The following UNC5D variants were observed in gnomAD, a reference collection of about 807,000 sequenced individuals.
UNC5D encodes unc-5 netrin receptor D, also known as netrin receptor UNC5D.
UNC5D carries 39 observed loss-of-function variants against 105.4 expected under a neutral mutation model. That is an observed-to-expected ratio of 0.37 (90% confidence interval 0.29 to 0.48). The LOEUF (loss-of-function observed/expected upper bound fraction) is 0.48, where lower values mean the gene tolerates loss of function less well. Among genes scored for constraint, UNC5D ranks in the 20% least tolerant of loss-of-function variants. The probability of loss-of-function intolerance (pLI) is 0.98; values close to 1 mark genes in which losing one functional copy is unlikely to be tolerated. For missense variants in UNC5D, 991 were observed against 1,202.4 expected, an observed-to-expected ratio of 0.82 and a Z score of 2.60; for synonymous variants, 452 against 450.4, an observed-to-expected ratio of 1.00 and a Z score of -0.04.
rs1428410337 is a variant in UNC5D, at chr8:35,683,528, C to T, written c.571-19C>T. 2 of 1,553,952 alleles carry T rather than the reference C, an allele frequency of 1.3e-6. No individual in the cohort carries two copies. The highest frequency in any genetic ancestry group is 2.4e-5 in the East Asian group (1 of 41,730). ...TCTGATTTTTTTAGTGACTTGTAAA[C>T]ATTCCTTTCTTCCTGTAGGTGGAAT... is the stretch of plus-strand genomic sequence containing the variant. On this transcript the variant is annotated intron_variant, in intron 4 of 16. Transcript: ENST00000404895.
intron 1 of UNC5D, among the ~76,000 whole-genome samples, chr8:35,399,003 G>A (rs1804276238): frequency 6.6e-6 from 1 of 151,474 alleles, no homozygotes. Context: ...TAAAATACAG[G>A]GCATGGTGGC....
rs1315660729 is a variant in UNC5D, at chr8:35,795,343, TA to T, written c.*4785del. On this transcript the variant is annotated 3_prime_UTR_variant, in exon 17 of 17. Coordinates refer to ENST00000404895, the MANE Select transcript of UNC5D (RefSeq NM_080872.4). ...CCTTTGCCTCCAGTTTTGCTAACCC[TA>T]AAAAGTATTTCACTAATTTCAAGCA... 6.6e-6 allele frequency: 1 copy of T among 152,192 alleles called. No homozygotes were observed. The highest frequency in any genetic ancestry group is 2.4e-5 in the African/African-American group (1 of 41,452). 9.4% of individuals were successfully genotyped at this position (152,192 alleles called of 1,614,324 possible).
At chr8:35,403,252 G>A (rs12676501) in intron 1 of UNC5D, among the ~76,000 whole-genome samples, 42,011 of 152,094 alleles carry the variant, frequency 0.28, 6,607 homozygotes, top group East Asian at 0.64. Context: ...GCTGCATTCA[G>A]GGCACCTCCT....
At chr8:35,611,847 T>G (rs960593678) in intron 4 of UNC5D, among the ~76,000 whole-genome samples, 2 of 152,338 alleles carry the variant, frequency 1.3e-5, no homozygotes, top group East Asian at 3.9e-4. Context: ...GGAAAATCTA[T>G]CTTTCATAAA....
In UNC5D at chr8:35,442,935, C is replaced by A. The variant is rs112392637; in HGVS notation, c.104-106357C>A. Among the ~76,000 whole-genome samples, 440 of 144,650 alleles carry A rather than the reference C, an allele frequency of 3.0e-3. 5 individuals are homozygous for A. The highest frequency in any genetic ancestry group is 0.011 in the African/African-American group (410 of 38,430). 94.9% of individuals were successfully genotyped at this position (144,650 alleles called of 152,430 possible). A position where few individuals can be genotyped will look rare whatever the true frequency, so the allele number is the denominator to read the frequency against. ...ACACACACACACACACACACACACA[C>A]AACACACACACACCACTGTGCTTAA... On this transcript the variant is annotated intron_variant, in intron 1 of 16. Coordinates refer to ENST00000404895, the MANE Select transcript of UNC5D (RefSeq NM_080872.4).
intron 1 of UNC5D, among the ~76,000 whole-genome samples, chr8:35,368,390 G>A (rs1257525404): frequency 2.0e-5 from 3 of 151,782 alleles, no homozygotes; most frequent in Non-Finnish European, 2.9e-5. Flanking sequence ...TTTAAATTAA[G>A]CCATTTTAAA....
At chr8:35,303,601 A>G (rs1212871563) in intron 1 of UNC5D, among the ~76,000 whole-genome samples, 1 of 152,166 alleles carries the variant, frequency 6.6e-6, no homozygotes, top group Non-Finnish European at 1.5e-5. Context: ...GCATAGCAGA[A>G]GTTGTGTAGT....
intron 1 of UNC5D, among the ~76,000 whole-genome samples, chr8:35,284,896 C>G (rs1234215791): frequency 4.6e-5 from 7 of 152,124 alleles, no homozygotes; most frequent in African/African-American, 2.4e-5. Flanking sequence ...AAATATTTCT[C>G]TCTCTGAGCT....
chr8:35,270,010 G>A (rs547638646), intron 1 of UNC5D, among the ~76,000 whole-genome samples: 1 of 152,274 alleles, frequency 6.6e-6, no homozygotes, highest in Non-Finnish European at 1.5e-5. Flanking sequence ...GAGTAGGATG[G>A]GAGAAGGTAT....
intron 11 of UNC5D, among the ~76,000 whole-genome samples, chr8:35,731,935 C>G (rs567176541): frequency 6.4e-4 from 97 of 152,250 alleles, no homozygotes; most frequent in African/African-American, 2.3e-3. Context: ...AAATACAAAT[C>G]TTGTCACATT....
intron 4 of UNC5D, among the ~76,000 whole-genome samples, chr8:35,607,564 A>G (rs1820378669): frequency 6.6e-6 from 1 of 152,070 alleles, no homozygotes; most frequent in Non-Finnish European, 1.5e-5. Flanking sequence ...CATAATCCCC[A>G]TGTGTCAAGG....
chr8:35,503,097 G>C (rs1049878924), intron 1 of UNC5D, among the ~76,000 whole-genome samples: 1 of 152,036 alleles, frequency 6.6e-6, no homozygotes, highest in Non-Finnish European at 1.5e-5. Flanking sequence ...AAGATACCTG[G>C]GTGACTTGTA....
In UNC5D at chr8:35,491,538, G is replaced by T. The variant is rs376639710; in HGVS notation, c.104-57754G>T. Among the ~76,000 whole-genome samples the T allele has an allele frequency of 1.7e-4, 26 of 152,210 alleles. No homozygotes were observed. The East Asian group carries it at 2.3e-3, about 14-fold the overall frequency. ...TGTTATATGGCCATTTACATAAGATGAGAGACTCCTGCATTATTATCCTTG... is the reference window on the plus strand; with the variant it reads ...TGTTATATGGCCATTTACATAAGATTAGAGACTCCTGCATTATTATCCTTG... On this transcript the variant is annotated intron_variant, in intron 1 of 16. Transcript: ENST00000404895.
intron 1 of UNC5D, among the ~76,000 whole-genome samples, chr8:35,336,260 T>C (rs1420982166): frequency 6.6e-6 from 1 of 152,154 alleles, no homozygotes; most frequent in Non-Finnish European, 1.5e-5. Context: ...AAAACCAGTT[T>C]CTTTATTAGC....
chr8:35,482,076 A>G (rs1330366555), intron 1 of UNC5D, among the ~76,000 whole-genome samples: 2 of 152,180 alleles, frequency 1.3e-5, no homozygotes, highest in Non-Finnish European at 2.9e-5. Context: ...TCCTCTTTGA[A>G]CTTTCTTGAA....
At chr8:35,723,043 C>T (rs964008871) in intron 9 of UNC5D, among the ~76,000 whole-genome samples, 3 of 152,210 alleles carry the variant, frequency 2.0e-5, no homozygotes, top group Non-Finnish European at 4.4e-5. Context: ...AAATCTATTC[C>T]TTATTGCAAG....
At chr8:35,588,238 A>G (rs1245080688) in intron 3 of UNC5D, among the ~76,000 whole-genome samples, 1 of 151,998 alleles carries the variant, frequency 6.6e-6, no homozygotes, top group Non-Finnish European at 1.5e-5. Context: ...AAGTCTAATA[A>G]AAGAGTGTCC....
In UNC5D at chr8:35,324,143, G is replaced by C. The variant is rs1341794496; in HGVS notation, c.103+88256G>C. Among the ~76,000 whole-genome samples the C allele has an allele frequency of 2.0e-5, 3 of 149,568 alleles. No individual in the cohort carries two copies. In the East Asian group the frequency reaches 6.0e-4, roughly 30 times the overall value. On this transcript the variant is annotated intron_variant, in intron 1 of 16. Transcript: ENST00000404895. ...TACGTACTATAGAGGTGATGCAGGA[G>C]TATCACTGGAGCCCAGGAGGTTAAG...
intron 1 of UNC5D, among the ~76,000 whole-genome samples, chr8:35,480,390 T>C (rs1400009549): frequency 6.6e-6 from 1 of 152,150 alleles, no homozygotes; most frequent in African/African-American, 2.4e-5. Flanking sequence ...ATTGTAAGAG[T>C]TGTCAGTGAG....
Sources: gnomAD v4.1 joint callset for allele counts (sites outside exome capture counted in the v4.1 genomes callset) on GRCh38, gnomAD v4.1.1 for gene constraint, MANE v1.5 for transcripts, NCBI Gene and HGNC (gene_info 2026-07-23, HGNC 2026-07-21) for gene names.